MARCHF1: variants seen among roughly 807,000 people sequenced by gnomAD.
MARCHF1 encodes E3 ubiquitin-protein ligase MARCHF1.
A neutral mutation model predicts 54.2 loss-of-function variants in MARCHF1; 40 were observed. The ratio of observed to expected loss-of-function variants is 0.74; its 90% CI spans 0.57 to 0.96. MARCHF1 has a LOEUF of 0.96. Ranked by LOEUF, MARCHF1 falls within the 40% of genes least tolerant of loss-of-function variation. The probability of loss-of-function intolerance (pLI) is 0.00; values close to 1 mark genes in which losing one functional copy is unlikely to be tolerated. For missense variants in MARCHF1, 586 were observed against 656.5 expected (o/e 0.89, Z 1.17); for synonymous variants, 236 against 236.3 (o/e 1.00, Z 0.01).
intron 4 of MARCHF1, among the ~76,000 whole-genome samples, chr4:163,771,311 AATAGTG>A (rs1747153902): frequency 6.6e-6 from 1 of 152,166 alleles, no homozygotes; most frequent in Non-Finnish European, 1.5e-5. Flanking sequence ...CCAAAATGTC[AATAGTG>A]CTGAGGTTGA....
rs905957333 is a variant in MARCHF1 at position 164,116,722 on chromosome 4, C to T, written c.-322-5060G>A. ...ACATAGAAAGCATTTCCAGAAAGTG[C>T]TATCAGACAACACTGTTGTAGAGAA... On this transcript the variant is annotated intron_variant, in intron 1 of 9. Transcript: ENST00000514618. Among the ~76,000 whole-genome samples, 5 of 152,088 alleles carry T rather than the reference C, an allele frequency of 3.3e-5. No homozygotes were observed. The East Asian group carries it at 7.7e-4, about 24-fold the overall frequency.
At position 163,833,591 on chromosome 4, in the gene MARCHF1, T is replaced by C. The variant is rs946985713; in HGVS notation, c.111+20430A>G. ...CAGACACTTCTCAAAAGAAGACATTTATGCAGCCAAAAAACACATGAAAAA... is the reference window on the plus strand; with the variant it reads ...CAGACACTTCTCAAAAGAAGACATTCATGCAGCCAAAAAACACATGAAAAA... On this transcript the variant is annotated intron_variant, in intron 4 of 9. Coordinates refer to ENST00000514618, the MANE Select transcript of MARCHF1 (RefSeq NM_001394959.1). 9.9e-5 allele frequency among the ~76,000 whole-genome samples: 15 copies of C among 152,216 alleles called. 1 individual carries two copies. The East Asian group carries it at 2.7e-3, about 27-fold the overall frequency.
chr4:164,218,787 C>T (rs1172975086), intron 1 of MARCHF1, among the ~76,000 whole-genome samples: 1 of 147,806 alleles, frequency 6.8e-6, no homozygotes, highest in Non-Finnish European at 1.5e-5. Context: ...CAACATGGGA[C>T]ATGTATACAT....
At chr4:163,772,158 T>A (rs891863251) in intron 4 of MARCHF1, among the ~76,000 whole-genome samples, 3 of 152,136 alleles carry the variant, frequency 2.0e-5, no homozygotes, top group Admixed American at 1.3e-4. Flanking sequence ...AAATAAAGTA[T>A]CTTAGTACCC....
chr4:163,954,297 C>G (rs953707374), intron 3 of MARCHF1, among the ~76,000 whole-genome samples: 3 of 151,914 alleles, frequency 2.0e-5, no homozygotes, highest in Non-Finnish European at 4.4e-5. Flanking sequence ...AGCATAAATC[C>G]AAATATTTAT....
At position 164,149,257 on chromosome 4, in the gene MARCHF1, G is replaced by T. The variant is rs77666673; in HGVS notation, c.-322-37595C>A. The stretch of plus-strand genomic sequence containing the variant: ...CTGTCAGCCAAATAAACCTCTTTGG[G>T]TTACTCAGTCAGTCATTCCTTTATA... On this transcript the variant is annotated intron_variant, in intron 1 of 9. Coordinates refer to ENST00000514618, the MANE Select transcript of MARCHF1 (RefSeq NM_001394959.1). Among the ~76,000 whole-genome samples the T allele has an allele frequency of 5.6e-3, 858 of 152,142 alleles. 10 individuals carry two copies. The highest frequency in any genetic ancestry group is 0.019 in the African/African-American group (791 of 41,500).
At chr4:164,250,086 G>GT (rs1262690327) in intron 1 of MARCHF1, among the ~76,000 whole-genome samples, 1 of 152,050 alleles carries the variant, frequency 6.6e-6, no homozygotes, top group African/African-American at 2.4e-5. Flanking sequence ...AATCAGTTCA[G>GT]TTTGTGTCAT....
At chr4:163,694,467 C>G (rs542168703) in intron 5 of MARCHF1, among the ~76,000 whole-genome samples, 4 of 152,156 alleles carry the variant, frequency 2.6e-5, no homozygotes, top group African/African-American at 9.7e-5. Flanking sequence ...GCCTTGCTCC[C>G]TTGCCTCAAG....
intron 8 of MARCHF1, among the ~76,000 whole-genome samples, chr4:163,553,012 G>A (rs1236260929): frequency 2.9e-5 from 4 of 139,668 alleles, no homozygotes; most frequent in South Asian, 2.3e-4. Flanking sequence ...CAGCCTGGGC[G>A]ACAGAGCGAG....
chr4:163,985,151 T>C (rs1379924659), intron 3 of MARCHF1, among the ~76,000 whole-genome samples: 2 of 152,064 alleles, frequency 1.3e-5, no homozygotes, highest in East Asian at 3.9e-4. Flanking sequence ...TTAAATTTTC[T>C]GTAGCTTCAT....
chr4:164,149,364 T>G (rs1462019975), intron 1 of MARCHF1, among the ~76,000 whole-genome samples: 1 of 152,160 alleles, frequency 6.6e-6, no homozygotes, highest in Admixed American at 6.6e-5. Context: ...GCATTTGAAA[T>G]GTAAATTCTT....
At chr4:163,832,491 C>A (rs1033931800) in intron 4 of MARCHF1, among the ~76,000 whole-genome samples, 1 of 152,024 alleles carries the variant, frequency 6.6e-6, no homozygotes, top group Non-Finnish European at 1.5e-5. Context: ...TATTATAACT[C>A]ATTTAGCAAA....
In MARCHF1 at chr4:164,219,833, A is replaced by C. The variant is rs146485419; in HGVS notation, c.-322-108171T>G. Among the ~76,000 whole-genome samples the C allele has an allele frequency of 5.1e-3, 770 of 152,166 alleles. 6 individuals carry two copies. The highest frequency in any genetic ancestry group is 0.018 in the African/African-American group (734 of 41,566). On this transcript the variant is annotated intron_variant, in intron 1 of 9. Transcript: ENST00000514618. ...ATGCTACACTAGGACATTATTTAAC[A>C]AATCCATGCCAGAATTACTTGTCTC...
At chr4:164,136,493 C>G (rs1357941768) in intron 1 of MARCHF1, among the ~76,000 whole-genome samples, 1 of 152,114 alleles carries the variant, frequency 6.6e-6, no homozygotes, top group Admixed American at 6.5e-5. Flanking sequence ...TCTTTCTTGC[C>G]CCACCAGAAT....
intron 4 of MARCHF1, among the ~76,000 whole-genome samples, chr4:163,766,444 T>C (rs1439273474): frequency 6.6e-6 from 1 of 152,156 alleles, no homozygotes; most frequent in Non-Finnish European, 1.5e-5. Context: ...AAATAAAATA[T>C]AAGTGGCTGA....
At chr4:163,620,602 CACACAG>C (rs1485990778) in intron 5 of MARCHF1, among the ~76,000 whole-genome samples, 270 of 97,912 alleles carry the variant, frequency 2.8e-3, no homozygotes, top group Non-Finnish European at 3.6e-3. Flanking sequence ...CACACACACA[CACACAG>C]AGAGAGAGAG....
In MARCHF1 at chr4:164,302,386, T is replaced by A. The variant is rs183852902; in HGVS notation, c.-323+81484A>T. On this transcript the variant is annotated intron_variant, in intron 1 of 9. Coordinates refer to ENST00000514618, the MANE Select transcript of MARCHF1 (RefSeq NM_001394959.1). ...ATTGGAATTTTAACATGTCTTGATTTAAAAATATAATTTAGTAGTTTAAAA... is the reference window on the plus strand; with the variant it reads ...ATTGGAATTTTAACATGTCTTGATTAAAAAATATAATTTAGTAGTTTAAAA... Among the ~76,000 whole-genome samples the A allele has an allele frequency of 6.6e-5, 10 of 152,298 alleles. No homozygotes were observed. In the East Asian group the frequency reaches 1.9e-3, roughly 29 times the overall value.
intron 3 of MARCHF1, among the ~76,000 whole-genome samples, chr4:163,976,503 C>A: frequency 6.6e-6 from 1 of 152,124 alleles, no homozygotes; most frequent in Non-Finnish European, 1.5e-5. Context: ...ATTATTTGAC[C>A]CAACTTCCAT....
At chr4:164,241,029 C>A (rs1732727663) in intron 1 of MARCHF1, among the ~76,000 whole-genome samples, 1 of 152,050 alleles carries the variant, frequency 6.6e-6, no homozygotes, top group Admixed American at 6.6e-5. Context: ...ATAGGTAAGA[C>A]CACTATCGTA....
Sources: allele counts gnomAD v4.1 joint callset (sites outside exome capture counted in the v4.1 genomes callset), GRCh38; gene constraint gnomAD v4.1.1; transcripts MANE v1.5; gene names NCBI Gene and HGNC (gene_info 2026-07-23, HGNC 2026-07-21).